The following TCF20 variants were observed in gnomAD, a reference collection of about 807,000 sequenced individuals.
TCF20 encodes the protein transcription factor 20.
Under a neutral mutation model 148.6 loss-of-function variants are expected in TCF20, and 3 were observed. The ratio of observed to expected loss-of-function variants is 0.02; its 90% CI spans 0.01 to 0.05. The LOEUF is 0.05. Among genes scored for constraint, TCF20 ranks in the 10% least tolerant of loss-of-function variants. TCF20 has a pLI of 1.00. For missense variants in TCF20, 2,350 were observed against 2,429.3 expected, an observed-to-expected ratio of 0.97 and a Z score of 0.69; for synonymous variants, 1,049 against 909.5, an observed-to-expected ratio of 1.15 and a Z score of -2.76.
In TCF20 at chr22:42,215,025, C is replaced by T. The variant is rs1377952808; in HGVS notation, c.281G>A (p.Gly94Asp). The part of the protein sequence containing the change: ...KEAGDFYYMA[G>D]NKDPVTTGTP... ...TCCTGTAGTCACGGGGTCTTTGTTG[C>T]CTGCCATGTAGTAAAAATCTCCAGC... The change falls in exon 2 of 6, where the codon GGC becomes GAC. Residue 94 changes from glycine (G) to aspartate (D), a missense_variant. Gly to Asp is a moderately conservative substitution (Grantham distance 94). Coordinates refer to ENST00000677622, the MANE Select transcript of TCF20 (RefSeq NM_001378418.1). 1.2e-6 allele frequency: 2 copies of T among 1,614,212 alleles called. No individual in the cohort carries two copies. Among genetic ancestry groups the T allele is most frequent in the Non-Finnish European group, 1.7e-6 (2 of 1,180,046 alleles).
chr22:42,169,748 G>A (rs1936006459), intron 4 of TCF20, 99 bp downstream of exon 4: 1 of 1,270,590 alleles, frequency 7.9e-7, no homozygotes, highest in Non-Finnish European at 1.1e-6. Flanking sequence ...GGTGGGGACA[G>A]GTGTGGGTGA....
chr22:42,258,653 T>C (rs776339181), intron 1 of TCF20, among the ~76,000 whole-genome samples: 7 of 152,194 alleles, frequency 4.6e-5, no homozygotes, highest in Non-Finnish European at 7.3e-5. Flanking sequence ...TTTTTCAGTA[T>C]AGTATTCAAT....
intron 1 of TCF20, among the ~76,000 whole-genome samples, chr22:42,325,052 C>T (rs1014738401): frequency 6.6e-6 from 1 of 152,246 alleles, no homozygotes; most frequent in African/African-American, 2.4e-5. Context: ...TGCTGGGACT[C>T]AGGAAACCGC....
intron 1 of TCF20, among the ~76,000 whole-genome samples, chr22:42,302,340 C>A (rs1037835176): frequency 6.6e-6 from 1 of 152,128 alleles, no homozygotes; most frequent in Non-Finnish European, 1.5e-5. Flanking sequence ...GAGTGGGCAG[C>A]CTTCTCTCTC....
intron 1 of TCF20, among the ~76,000 whole-genome samples, chr22:42,326,635 C>T (rs550716791): frequency 1.8e-4 from 28 of 152,232 alleles, no homozygotes; most frequent in Admixed American, 1.2e-3. Context: ...ACAGGCTCAG[C>T]CCTGCCGTTT....
In TCF20 at chr22:42,317,341, G is replaced by GTAAAT. The variant is rs1220327302; in HGVS notation, c.-37+26137_-37+26138insATTTA. Among the ~76,000 whole-genome samples the GTAAAT allele has an allele frequency of 7.2e-5, 11 of 152,190 alleles. No individual in the cohort carries two copies. The highest frequency in any genetic ancestry group is 2.2e-4 in the African/African-American group (9 of 41,436). On this transcript the variant is annotated intron_variant, in intron 1 of 1. Transcript: ENST00000515426. The surrounding 1 kb of genome is among the most constrained non-coding windows in gnomAD (Gnocchi z 4.2). ...CACCTCGCCCAGAAATTTACTGCAA[G>GTAAAT]TTCTCAAGTCTCCCTAGAGTGCGTG...
In TCF20 at chr22:42,290,521, C is replaced by T. The variant is rs781609449; in HGVS notation, c.-37+52958G>A. Among the ~76,000 whole-genome samples, 1 of 152,114 alleles carries T rather than the reference C, an allele frequency of 6.6e-6. No individual in the cohort carries two copies. Among genetic ancestry groups the T allele is most frequent in the Admixed American group, 6.5e-5 (1 of 15,278 alleles). ...GCACGTGGGAGGCCTCTGCTCCTGA[C>T]CTTTGCTTAGCACAGGCAGGGGACC... is the stretch of plus-strand genomic sequence containing the variant. On this transcript the variant is annotated intron_variant, in intron 1 of 1. Coordinates refer to the TCF20 transcript ENST00000515426. This position sits in a 1 kb window ranked among gnomAD's most constrained non-coding sequence, Gnocchi z 4.2.
intron 2 of TCF20, among the ~76,000 whole-genome samples, chr22:42,193,316 G>A (rs1348798620): frequency 1.1e-4 from 17 of 147,890 alleles, no homozygotes; most frequent in African/African-American, 3.7e-4. Context: ...ATAGGGTCTC[G>A]CTCTGTCACT....
At chr22:42,308,302 T>C (rs1399009290) in intron 1 of TCF20, among the ~76,000 whole-genome samples, 1 of 152,054 alleles carries the variant, frequency 6.6e-6, no homozygotes, top group East Asian at 1.9e-4. Context: ...GAGGAAAATG[T>C]TCACCAGCCT....
intron 1 of TCF20, among the ~76,000 whole-genome samples, chr22:42,218,725 C>T (rs948124172): frequency 2.0e-5 from 3 of 152,158 alleles, no homozygotes; most frequent in African/African-American, 7.2e-5. Flanking sequence ...CCACCAAGAG[C>T]TAAAGGCCAC....
intron 1 of TCF20, among the ~76,000 whole-genome samples, chr22:42,296,109 C>T (rs530540281): frequency 1.3e-5 from 2 of 152,338 alleles, no homozygotes; most frequent in South Asian, 2.1e-4. Context: ...TGAGGACTAC[C>T]GAGTGAAGAT....
rs1921044497 is a variant in TCF20 at position 42,212,319 on chromosome 22, C to T, written c.2987G>A (p.Gly996Asp). Residue 996 changes from glycine (G) to aspartate (D), a missense_variant, in exon 2 of 6, where the codon GGT (glycine) becomes GAT (aspartate). Gly to Asp is a moderately conservative substitution (Grantham distance 94). Coordinates refer to ENST00000677622, the MANE Select transcript of TCF20 (RefSeq NM_001378418.1). ...CCGACCCCTCATGCCCTCCCGACCA[C>T]CAACTCTGCCAGGGACCCGCCGCAT... ...TPMRRVPGRV[G>D]GREGMRGRSP... The T allele has an allele frequency of 6.2e-7, 1 of 1,614,214 alleles. No individual in the cohort carries two copies. Among genetic ancestry groups the T allele is most frequent in the Non-Finnish European group, 8.5e-7 (1 of 1,180,036 alleles).
At chr22:42,186,153 A>G (rs1416404682) in intron 2 of TCF20, among the ~76,000 whole-genome samples, 1 of 152,230 alleles carries the variant, frequency 6.6e-6, no homozygotes, top group Admixed American at 6.5e-5. Flanking sequence ...ACTTAAGACA[A>G]AAGTTCCAGG....
At chr22:42,325,761 C>A (rs930524844) in intron 1 of TCF20, among the ~76,000 whole-genome samples, 1 of 152,162 alleles carries the variant, frequency 6.6e-6, no homozygotes, top group Non-Finnish European at 1.5e-5. Flanking sequence ...GAAGTGGAGG[C>A]CGTGGGGAGC....
At chr22:42,270,885 C>CCGCTGGG (rs1926590575), upstream of TCF20, among the ~76,000 whole-genome samples, 1 of 151,318 alleles carries the variant, frequency 6.6e-6, no homozygotes, top group African/African-American at 2.4e-5. Flanking sequence ...TCCTCTGCGG[C>CCGCTGGG]CGCTGGGCGC....
intron 5 of TCF20, among the ~76,000 whole-genome samples, chr22:42,164,043 C>T (rs938870679): frequency 1.3e-5 from 2 of 152,076 alleles, no homozygotes; most frequent in African/African-American, 4.8e-5. Context: ...CACCACTCAC[C>T]CTGGCCAGGA....
At chr22:42,296,825 C>G (rs1303803264) in intron 1 of TCF20, among the ~76,000 whole-genome samples, 6 of 152,244 alleles carry the variant, frequency 3.9e-5, no homozygotes, top group Admixed American at 3.3e-4. Flanking sequence ...GCCATTTATT[C>G]AGCTCAGCTT....
chr22:42,162,289 T>A (rs564381311), intron 5 of TCF20, among the ~76,000 whole-genome samples: 2 of 152,232 alleles, frequency 1.3e-5, no homozygotes, highest in African/African-American at 4.8e-5. Flanking sequence ...CAGTCAGTTC[T>A]TCATGCTTAA....
intron 1 of TCF20, among the ~76,000 whole-genome samples, chr22:42,265,723 G>C (rs1375147835): frequency 6.6e-6 from 1 of 152,204 alleles, no homozygotes; most frequent in African/African-American, 2.4e-5. Flanking sequence ...GGAAAGAACT[G>C]TCTTTGGTAA....
Sources: gnomAD v4.1 joint callset for allele counts (sites outside exome capture counted in the v4.1 genomes callset) on GRCh38, gnomAD v4.1.1 for gene constraint, Gnocchi (gnomAD v3.1) non-coding constraint, MANE v1.5 for transcripts, NCBI Gene and HGNC (gene_info 2026-07-23, HGNC 2026-07-21) for gene names.